The following NRP1 variants were observed in gnomAD, a reference collection of about 807,000 sequenced individuals.
NRP1 encodes neuropilin 1.
A neutral mutation model predicts 106.7 loss-of-function variants in NRP1; 35 were observed. The observed-to-expected ratio is 0.33, with a 90% CI of 0.25 to 0.43. The LOEUF (loss-of-function observed/expected upper bound fraction) is 0.43. Among genes scored for constraint, NRP1 ranks in the 20% least tolerant of loss-of-function variants. The pLI, the probability that NRP1 is intolerant of heterozygous loss-of-function variation, is 1.00. For missense variants in NRP1, 1,024 were observed against 1,170.4 expected, an observed-to-expected ratio of 0.87 and a Z score of 1.83; for synonymous variants, 437 against 417.9, an observed-to-expected ratio of 1.05 and a Z score of -0.56.
At chr10:33,313,791 G>A (rs1438848705) in intron 2 of NRP1, among the ~76,000 whole-genome samples, 4 of 152,136 alleles carry the variant, frequency 2.6e-5, no homozygotes, top group Admixed American at 6.5e-5. Flanking sequence ...AGAGAGCTAC[G>A]GACATGGTCC....
intron 2 of NRP1, among the ~76,000 whole-genome samples, chr10:33,305,894 G>T (rs12573762): frequency 0.11 from 17,405 of 151,660 alleles, 1,224 homozygotes; most frequent in Non-Finnish European, 0.15. Context: ...TCAGCCTCCC[G>T]AGTAGCTGGG....
intron 2 of NRP1, among the ~76,000 whole-genome samples, chr10:33,290,296 G>A (rs1844900166): frequency 6.6e-6 from 1 of 151,196 alleles, no homozygotes; most frequent in Non-Finnish European, 1.5e-5. Context: ...GTCCTTCAGA[G>A]GACAAAATGC....
intron 2 of NRP1, among the ~76,000 whole-genome samples, chr10:33,286,807 A>AC (rs1259440197): frequency 6.6e-6 from 1 of 151,700 alleles, no homozygotes; most frequent in Non-Finnish European, 1.5e-5. Context: ...CCGCCCCCCC[A>AC]CCCAAGCAAC....
chr10:33,324,670 C>T (rs1847762769), intron 2 of NRP1, among the ~76,000 whole-genome samples: 1 of 152,114 alleles, frequency 6.6e-6, no homozygotes, highest in African/African-American at 2.4e-5. Context: ...GAGTTTTGCT[C>T]CTGTTGCCCA....
chr10:33,334,288 C>G (rs1414897025), intron 1 of NRP1, 22 bp downstream of exon 1: 4 of 1,536,162 alleles, frequency 2.6e-6, no homozygotes, highest in East Asian at 2.5e-5. Flanking sequence ...CGCTGTCACC[C>G]GCGCCTCTGC....
chr10:33,209,368 A>C (rs1048665761), intron 9 of NRP1, among the ~76,000 whole-genome samples: 6 of 152,262 alleles, frequency 3.9e-5, no homozygotes, highest in African/African-American at 1.4e-4. Flanking sequence ...CCATACACAC[A>C]GCAAGTGGCA....
At chr10:33,240,913 G>A (rs984702324) in intron 6 of NRP1, among the ~76,000 whole-genome samples, 4 of 152,168 alleles carry the variant, frequency 2.6e-5, no homozygotes, top group Admixed American at 1.3e-4. Context: ...AACAGATGAA[G>A]TGAACTTCTC....
At chr10:33,185,067 C>T (rs530788151) in intron 15 of NRP1, among the ~76,000 whole-genome samples, 1 of 152,272 alleles carries the variant, frequency 6.6e-6, no homozygotes, top group South Asian at 2.1e-4. Context: ...GTACAAGACC[C>T]ATAAAGACCA....
intron 9 of NRP1, among the ~76,000 whole-genome samples, chr10:33,210,288 T>C (rs568079736): frequency 6.6e-6 from 1 of 152,230 alleles, no homozygotes; most frequent in East Asian, 1.9e-4. Flanking sequence ...ACACATATTA[T>C]TGTGAGGCCC....
chr10:33,267,434 A>G (rs192951256), intron 3 of NRP1, among the ~76,000 whole-genome samples: 24 of 152,302 alleles, frequency 1.6e-4, no homozygotes, highest in African/African-American at 4.8e-4. Flanking sequence ...TTGTATAGCT[A>G]TAAGGAATGC....
At position 33,330,889 on chromosome 10, in the gene NRP1, T is replaced by C; in HGVS notation, c.74-7A>G. On this transcript the variant is annotated splice_region_variant and splice_polypyrimidine_tract_variant and intron_variant, in intron 1 of 16. Coordinates refer to ENST00000374867, the MANE Select transcript of NRP1 (RefSeq NM_003873.7). ...ATAGTATCGCCACATTTATCTGCAATGAAAGTAAGATTTTAGCAGATCTTT... is the reference window on the plus strand; with the variant it reads ...ATAGTATCGCCACATTTATCTGCAACGAAAGTAAGATTTTAGCAGATCTTT... The C allele has an allele frequency of 6.3e-7, 1 of 1,595,268 alleles. No individual in the cohort carries two copies. Among genetic ancestry groups the C allele is most frequent in the South Asian group, 1.1e-5 (1 of 89,026 alleles).
intron 6 of NRP1, among the ~76,000 whole-genome samples, chr10:33,244,112 G>A (rs1841240326): frequency 6.6e-6 from 1 of 152,132 alleles, no homozygotes; most frequent in Non-Finnish European, 1.5e-5. Flanking sequence ...ATCCACACCA[G>A]GGCTTTGGAA....
chr10:33,226,304 C>T lies in NRP1; in HGVS notation c.982-15G>A, dbSNP rs770826613. 1.9e-6 allele frequency: 3 copies of T among 1,613,842 alleles called. No individual in the cohort carries two copies. Among genetic ancestry groups the T allele is most frequent in the African/African-American group, 1.3e-5 (1 of 75,052 alleles). On this transcript the variant is annotated splice_polypyrimidine_tract_variant and intron_variant, in intron 6 of 16. Coordinates refer to ENST00000374867, the MANE Select transcript of NRP1 (RefSeq NM_003873.7). ...CCCAAGTCTACCTGCAAGACAAGTACAAGCGTGGTCAGTGCACCATCCCTG... is the reference window on the plus strand; with the variant it reads ...CCCAAGTCTACCTGCAAGACAAGTATAAGCGTGGTCAGTGCACCATCCCTG...
chr10:33,275,932 CA>C (rs1044152102), intron 2 of NRP1, among the ~76,000 whole-genome samples: 2 of 151,346 alleles, frequency 1.3e-5, no homozygotes, highest in African/African-American at 2.4e-5. Flanking sequence ...CAAAACAAAA[CA>C]AAAAAAACTC....
At chr10:33,221,893 A>G in intron 7 of NRP1, 30 bp from the exon 8 acceptor site, 1 of 1,579,886 alleles carries the variant, frequency 6.3e-7, no homozygotes, top group Middle Eastern at 1.7e-4. Flanking sequence ...GCCTTTCTTT[A>G]GCAGAGGTTT....
At chr10:33,241,105 G>A (rs544834126) in intron 6 of NRP1, among the ~76,000 whole-genome samples, 13 of 152,166 alleles carry the variant, frequency 8.5e-5, no homozygotes, top group Non-Finnish European at 1.8e-4. Flanking sequence ...GCAGATGTTT[G>A]GAACTGAGCA....
At position 33,251,971 on chromosome 10, in the gene NRP1, G is replaced by T. The variant is rs1219358696; in HGVS notation, c.981+2057C>A. On this transcript the variant is annotated intron_variant, in intron 6 of 16. Coordinates refer to ENST00000374867, the MANE Select transcript of NRP1 (RefSeq NM_003873.7). Reference sequence around the variant, plus strand: ...ACCCCCACGGACCAAAGTGAAGACAGGTACTCCTGCTTTCCCGCCTAAATG... The same window carrying T: ...ACCCCCACGGACCAAAGTGAAGACATGTACTCCTGCTTTCCCGCCTAAATG... Among the ~76,000 whole-genome samples, 15 of 152,228 alleles carry T rather than the reference G, an allele frequency of 9.9e-5. No individual in the cohort carries two copies. In the East Asian group the frequency reaches 2.7e-3, roughly 27 times the overall value.
At chr10:33,219,949 A>G (rs1027145981) in intron 8 of NRP1, among the ~76,000 whole-genome samples, 1 of 152,214 alleles carries the variant, frequency 6.6e-6, no homozygotes, top group Non-Finnish European at 1.5e-5. Flanking sequence ...ATGACCTAGA[A>G]CTTTCTGTCA....
At chr10:33,205,901 T>A (rs1837736250) in intron 10 of NRP1, 1 of 201,056 alleles carries the variant, frequency 5.0e-6, no homozygotes, top group Non-Finnish European at 1.0e-5. Context: ...GGCAATCTAG[T>A]CCCCAGGCAG....
Sources: allele counts gnomAD v4.1 joint callset (sites outside exome capture counted in the v4.1 genomes callset), GRCh38; gene constraint gnomAD v4.1.1; transcripts MANE v1.5; gene names NCBI Gene and HGNC (gene_info 2026-07-23, HGNC 2026-07-21).